The following DACH2 variants were observed in gnomAD, a reference collection of about 807,000 sequenced individuals.
DACH2 encodes dachshund family transcription factor 2.
DACH2 carries 17 observed loss-of-function variants against 35.8 expected under a neutral mutation model. The observed-to-expected ratio is 0.48, with a 90% CI of 0.33 to 0.71. The LOEUF is 0.71. Among genes scored for constraint, DACH2 ranks in the 30% least tolerant of loss-of-function variants. DACH2 has a pLI of 0.02. For missense variants in DACH2, 469 were observed against 472.7 expected (o/e 0.99, Z 0.07); for synonymous variants, 195 against 177.3 (o/e 1.10, Z -0.79).
At chrX:86,669,615 A>AC (rs1484828076) in intron 4 of DACH2, among the ~76,000 whole-genome samples, 2 of 111,631 alleles carry the variant, frequency 1.8e-5, no homozygotes, top group Non-Finnish European at 3.8e-5. Context: ...GTTCAAATAG[A>AC]CAGTATATGG....
chrX:86,318,212 G>A (rs1261835179), intron 1 of DACH2, among the ~76,000 whole-genome samples: 1 of 111,545 alleles, frequency 9.0e-6, no homozygotes, highest in Non-Finnish European at 1.9e-5. Context: ...GCTCAAGACA[G>A]GTTTCCTTAA....
intron 3 of DACH2, among the ~76,000 whole-genome samples, chrX:86,590,710 C>A (rs921867682): frequency 9.0e-6 from 1 of 111,710 alleles, no homozygotes; most frequent in Non-Finnish European, 1.9e-5. Context: ...GGTTGCTGCA[C>A]AAACTTGCCA....
chrX:86,285,903 T>G (rs1378973104), intron 1 of DACH2, among the ~76,000 whole-genome samples: 4 of 111,167 alleles, frequency 3.6e-5, no homozygotes, highest in Non-Finnish European at 7.5e-5. Context: ...GACTCCTTTA[T>G]CATTACATAA....
chrX:86,392,981 G>A (rs1039461685), intron 2 of DACH2, among the ~76,000 whole-genome samples: 2 of 110,564 alleles, frequency 1.8e-5, no homozygotes, highest in Non-Finnish European at 3.8e-5. Flanking sequence ...GTGGGTAGCA[G>A]TCAGGAATGC....
At chrX:86,428,408 G>C (rs1293097067) in intron 2 of DACH2, among the ~76,000 whole-genome samples, 1 of 111,570 alleles carries the variant, frequency 9.0e-6, no homozygotes, top group Non-Finnish European at 1.9e-5. Context: ...CTGAATACAG[G>C]TGTTAAAGTG....
chrX:86,568,328 T>C (rs1173142139), intron 3 of DACH2, among the ~76,000 whole-genome samples: 1 of 111,366 alleles, frequency 9.0e-6, no homozygotes, highest in African/African-American at 3.3e-5. Context: ...TCATCAATTG[T>C]AACAAATGCA....
intron 4 of DACH2, among the ~76,000 whole-genome samples, chrX:86,675,696 A>G (rs1248752782): frequency 1.8e-5 from 2 of 111,666 alleles, no homozygotes; most frequent in Non-Finnish European, 3.8e-5. Flanking sequence ...AAAAAAAGTG[A>G]TATTAAAATG....
intron 3 of DACH2, among the ~76,000 whole-genome samples, chrX:86,637,246 A>AAAAAAAAAAAAC (rs2040282352): frequency 1.2e-5 from 1 of 81,849 alleles, no homozygotes; most frequent in African/African-American, 4.9e-5. Flanking sequence ...AAAAAAAAAA[A>AAAAAAAAAAAAC]CAGATGCTGG....
intron 2 of DACH2, among the ~76,000 whole-genome samples, chrX:86,401,595 C>T (rs1444275973): frequency 2.7e-5 from 3 of 110,307 alleles, no homozygotes; most frequent in African/African-American, 6.6e-5. Context: ...TTGGCTTTTG[C>T]ATAAATAGGC....
At chrX:86,303,842 C>A (rs1249949495) in intron 1 of DACH2, among the ~76,000 whole-genome samples, 2 of 110,635 alleles carry the variant, frequency 1.8e-5, no homozygotes, top group African/African-American at 6.6e-5. Context: ...AGATTCAGTG[C>A]AATTCCTAGC....
chrX:86,384,502 G>A (rs1474550374), intron 2 of DACH2, among the ~76,000 whole-genome samples: 1 of 111,842 alleles, frequency 8.9e-6, no homozygotes, highest in Non-Finnish European at 1.9e-5. Context: ...ATGGCAACGT[G>A]CCCTAAAGAC....
intron 1 of DACH2, among the ~76,000 whole-genome samples, chrX:86,198,856 C>A (rs191396330): frequency 1.2e-4 from 13 of 110,800 alleles, no homozygotes; most frequent in African/African-American, 4.3e-4. Flanking sequence ...GCTGGTACCA[C>A]TTCTACAGAC....
intron 1 of DACH2, among the ~76,000 whole-genome samples, chrX:86,328,313 G>A (rs1246447313): frequency 9.0e-6 from 1 of 111,401 alleles, no homozygotes; most frequent in Non-Finnish European, 1.9e-5. Flanking sequence ...TATTAGTAAT[G>A]TAATATGGTA....
chrX:86,445,094 T>C (rs1302399529), intron 2 of DACH2, among the ~76,000 whole-genome samples: 1 of 110,940 alleles, frequency 9.0e-6, no homozygotes, highest in African/African-American at 3.3e-5. Flanking sequence ...TTTTATAGTT[T>C]TCTGAAGTGC....
intron 3 of DACH2, among the ~76,000 whole-genome samples, chrX:86,629,961 A>T (rs993580811): frequency 2.7e-5 from 3 of 111,890 alleles, no homozygotes; most frequent in Non-Finnish European, 5.6e-5. Context: ...AGAACAGATG[A>T]ACTTTATATA....
At chrX:86,555,347 T>C (rs138502868) in intron 3 of DACH2, among the ~76,000 whole-genome samples, 4,550 of 111,653 alleles carry the variant, frequency 0.041, 154 homozygotes, top group East Asian at 0.26. Flanking sequence ...TCACATATGT[T>C]CTCAGGAGTT....
chrX:86,321,012 C>T (rs1165662522), intron 1 of DACH2, among the ~76,000 whole-genome samples: 1 of 111,684 alleles, frequency 9.0e-6, no homozygotes, highest in Non-Finnish European at 1.9e-5. Context: ...GCCCAATAAT[C>T]CCCTTAACTG....
chrX:86,646,563 C>T (rs77453569), intron 3 of DACH2, among the ~76,000 whole-genome samples: 24,704 of 109,322 alleles, frequency 0.23, 2,335 homozygotes, highest in East Asian at 0.49. Context: ...ACACCAAAAG[C>T]ATGGGTAACA....
rs181268071 is a variant in DACH2, at chrX:86,685,305, T to G, written c.773-9716T>G. On this transcript the variant is annotated intron_variant, in intron 4 of 11. Transcript: ENST00000373125. The stretch of plus-strand genomic sequence containing the variant: ...CTGCCCTGCTGAAAACTCCTACTCT[T>G]TTTTTCCTCTGGATTCCTCTAATGA... 3.5e-3 allele frequency among the ~76,000 whole-genome samples: 397 copies of G among 112,102 alleles called. 2 individuals carry two copies. The highest frequency in any genetic ancestry group is 0.012 in the African/African-American group (383 of 30,897).
Sources: gnomAD v4.1 joint callset for allele counts (sites outside exome capture counted in the v4.1 genomes callset) on GRCh38, gnomAD v4.1.1 for gene constraint, MANE v1.5 for transcripts, NCBI Gene and HGNC (gene_info 2026-07-23, HGNC 2026-07-21) for gene names.